Variants in FER observed in about 807,000 individuals in gnomAD.
The protein encoded by FER is FER tyrosine kinase.
FER carries 63 observed loss-of-function variants against 111.0 expected under a neutral mutation model. That is an observed-to-expected ratio of 0.57 (90% confidence interval 0.46 to 0.70). FER has a LOEUF of 0.70. Ranked by LOEUF, FER falls within the 30% of genes least tolerant of loss-of-function variation. The probability of loss-of-function intolerance (pLI) is 0.00; values close to 1 mark genes in which losing one functional copy is unlikely to be tolerated. For synonymous variants in FER, 327 were observed against 313.9 expected, an observed-to-expected ratio of 1.04 and a Z score of -0.44; for missense variants, 914 against 954.0, an observed-to-expected ratio of 0.96 and a Z score of 0.55.
At chr5:108,936,935 G>A (rs1408022714) in intron 10 of FER, among the ~76,000 whole-genome samples, 2 of 151,498 alleles carry the variant, frequency 1.3e-5, no homozygotes, top group African/African-American at 4.9e-5. Context: ...ATTTAAATAG[G>A]GATAACTACA....
At chr5:108,806,617 A>T (rs1046509199) in intron 3 of FER, among the ~76,000 whole-genome samples, 2 of 152,200 alleles carry the variant, frequency 1.3e-5, no homozygotes, top group Admixed American at 6.5e-5. Context: ...CGTGACCTGG[A>T]TGCAAGACAT....
At chr5:109,044,381 C>T (rs1349029361) in intron 14 of FER, among the ~76,000 whole-genome samples, 1 of 151,988 alleles carries the variant, frequency 6.6e-6, no homozygotes, top group African/African-American at 2.4e-5. Context: ...CGGGGTTTCA[C>T]TGTGTTAGCA....
chr5:109,000,832 G>T (rs1329740378), intron 13 of FER, among the ~76,000 whole-genome samples: 3 of 151,972 alleles, frequency 2.0e-5, no homozygotes, highest in Admixed American at 6.6e-5. Flanking sequence ...ATCACCACCT[G>T]TCCCACAGAA....
chr5:108,942,748 G>A (rs991418037), intron 10 of FER, among the ~76,000 whole-genome samples: 2 of 152,028 alleles, frequency 1.3e-5, no homozygotes, highest in Non-Finnish European at 2.9e-5. Context: ...TTTACATTAT[G>A]AGCTGTAATG....
At chr5:109,049,817 G>A (rs1054741283) in intron 16 of FER, among the ~76,000 whole-genome samples, 5 of 152,180 alleles carry the variant, frequency 3.3e-5, no homozygotes, top group African/African-American at 1.2e-4. Flanking sequence ...GGCATTTGGA[G>A]AAACTGGTAG....
At chr5:109,070,362 G>GAA (rs1561856104) in intron 16 of FER, among the ~76,000 whole-genome samples, 8 of 151,880 alleles carry the variant, frequency 5.3e-5, no homozygotes, top group Admixed American at 5.2e-4. Flanking sequence ...CTGATTTGAG[G>GAA]AAACAGTATA....
At chr5:108,864,846 T>G (rs1029491709) in intron 5 of FER, among the ~76,000 whole-genome samples, 8 of 152,146 alleles carry the variant, frequency 5.3e-5, no homozygotes, top group Admixed American at 5.2e-4. Flanking sequence ...TGTGGGCTCT[T>G]TTTTGGTTCC....
In FER at chr5:109,186,194, T is replaced by C; in HGVS notation, c.2204-6T>C. 6.2e-7 allele frequency: 1 copy of C among 1,614,162 alleles called. No individual in the cohort carries two copies. Among genetic ancestry groups the C allele is most frequent in the Non-Finnish European group, 8.5e-7 (1 of 1,179,962 alleles). On this transcript the variant is annotated splice_polypyrimidine_tract_variant and splice_region_variant and intron_variant, in intron 18 of 19. Transcript: ENST00000281092. ...CATGTGGTTATGGTTGTTGTTCCTC[T>C]TCCAGGGAGATACAGTTCAGAGAGT...
intron 13 of FER, among the ~76,000 whole-genome samples, chr5:109,005,817 C>T (rs1194440591): frequency 6.6e-6 from 1 of 152,170 alleles, no homozygotes; most frequent in African/African-American, 2.4e-5. Context: ...TTGTACAGTG[C>T]TTCACACCCA....
chr5:109,178,528 C>A (rs1757954592), intron 17 of FER, among the ~76,000 whole-genome samples: 1 of 152,166 alleles, frequency 6.6e-6, no homozygotes, highest in South Asian at 2.1e-4. Flanking sequence ...CTCATTCCGA[C>A]CAAGGATGAT....
intron 16 of FER, among the ~76,000 whole-genome samples, chr5:109,056,193 C>T (rs74550706): frequency 0.046 from 6,986 of 152,238 alleles, 222 homozygotes; most frequent in South Asian, 0.095. Flanking sequence ...ATAGAGCTAC[C>T]ATGTACCTCA....
chr5:108,879,701 A>AAAATATATATATATATATATATATAT, intron 8 of FER, among the ~76,000 whole-genome samples: 6 of 99,090 alleles, frequency 6.1e-5, no homozygotes, highest in Non-Finnish European at 9.9e-5. Flanking sequence ...ATTAAAAAAA[A>AAAATATATATATATATATATATATAT]ATATATATAT....
chr5:108,929,574 G>A (rs1754272943), intron 10 of FER, among the ~76,000 whole-genome samples: 1 of 151,778 alleles, frequency 6.6e-6, no homozygotes, highest in Non-Finnish European at 1.5e-5. Context: ...TCCTTTTAAG[G>A]AATTGGGCTT....
rs142132962 is a variant in FER at position 109,058,476 on chromosome 5, G to A, written c.1924+11278G>A. On this transcript the variant is annotated intron_variant, in intron 16 of 19. Transcript: ENST00000281092. Reference sequence around the variant, plus strand: ...ATGGTAAGATACTGTAGTATTATAAGATTATGTGGTATTAATTCTACAAAA... The same window carrying A: ...ATGGTAAGATACTGTAGTATTATAAAATTATGTGGTATTAATTCTACAAAA... Among the ~76,000 whole-genome samples, 886 of 151,970 alleles carry A rather than the reference G, an allele frequency of 5.8e-3. 6 individuals carry two copies. The highest frequency in any genetic ancestry group is 0.02 in the African/African-American group (846 of 41,494).
At chr5:108,857,291 T>C (rs946326089) in intron 5 of FER, among the ~76,000 whole-genome samples, 1 of 152,164 alleles carries the variant, frequency 6.6e-6, no homozygotes, top group Admixed American at 6.5e-5. Flanking sequence ...TTGAGCAGTA[T>C]AGAACAGTTA....
chr5:108,856,750 A>G (rs536459483), intron 5 of FER, among the ~76,000 whole-genome samples: 1 of 152,260 alleles, frequency 6.6e-6, no homozygotes, highest in African/African-American at 2.4e-5. Flanking sequence ...AGTCTTCTAA[A>G]GTAGAGTTAA....
chr5:108,982,700 A>G (rs1003598706), intron 13 of FER, among the ~76,000 whole-genome samples: 24 of 152,180 alleles, frequency 1.6e-4, no homozygotes, highest in African/African-American at 5.8e-4. Context: ...TCTTAAACCT[A>G]TGTTTGGTCT....
At chr5:108,853,007 A>T (rs1363118067) in intron 5 of FER, among the ~76,000 whole-genome samples, 1 of 152,286 alleles carries the variant, frequency 6.6e-6, no homozygotes, top group African/African-American at 2.4e-5. Flanking sequence ...AGTTCTACAC[A>T]TGAAAAACTT....
intron 17 of FER, among the ~76,000 whole-genome samples, chr5:109,144,273 G>T (rs975929164): frequency 6.6e-6 from 1 of 152,002 alleles, no homozygotes; most frequent in South Asian, 2.1e-4. Context: ...GGATATCAGA[G>T]AGGCTCCTTA....
Sources: allele counts gnomAD v4.1 joint callset (sites outside exome capture counted in the v4.1 genomes callset), GRCh38; gene constraint gnomAD v4.1.1; transcripts MANE v1.5; gene names NCBI Gene and HGNC (gene_info 2026-07-23, HGNC 2026-07-21).